ITPR2: variants seen among roughly 807,000 people sequenced by gnomAD.
The protein encoded by ITPR2 is inositol 1,4,5-trisphosphate receptor type 2.
A neutral mutation model predicts 317.1 loss-of-function variants in ITPR2; 207 were observed. The ratio of observed to expected loss-of-function variants is 0.65; its 90% CI spans 0.58 to 0.73. The LOEUF is 0.73. Among genes scored for constraint, ITPR2 ranks in the 30% least tolerant of loss-of-function variants. ITPR2 has a pLI of 0.00. For synonymous variants in ITPR2, 1,156 were observed against 1,149.1 expected (o/e 1.01, Z -0.12); for missense variants, 2,613 against 3,284.0 (o/e 0.80, Z 4.99).
intron 1 of ITPR2, among the ~76,000 whole-genome samples, chr12:26,792,072 G>A (rs189611074): frequency 6.6e-6 from 1 of 152,282 alleles, no homozygotes; most frequent in East Asian, 1.9e-4. Flanking sequence ...CAAGAGGAAT[G>A]AGAACTGAAG....
intron 45 of ITPR2, among the ~76,000 whole-genome samples, chr12:26,447,538 G>GA (rs556135947): frequency 6.3e-5 from 2 of 31,908 alleles, no homozygotes; most frequent in South Asian, 2.4e-3. Flanking sequence ...AAAAAATCAA[G>GA]AAATATGCTT....
At chr12:26,705,531 G>A (rs972559728) in intron 9 of ITPR2, among the ~76,000 whole-genome samples, 5 of 151,914 alleles carry the variant, frequency 3.3e-5, no homozygotes, top group South Asian at 2.1e-4. Context: ...TCTTACCTGC[G>A]CTCTGAAAAC....
At chr12:26,558,500 A>T (rs1372583575) in intron 35 of ITPR2, among the ~76,000 whole-genome samples, 2 of 152,222 alleles carry the variant, frequency 1.3e-5, no homozygotes, top group Non-Finnish European at 2.9e-5. Flanking sequence ...AGCTGTGATC[A>T]TCACCCAAAC....
intron 9 of ITPR2, among the ~76,000 whole-genome samples, chr12:26,709,039 G>A (rs1948603247): frequency 6.6e-6 from 1 of 152,084 alleles, no homozygotes; most frequent in African/African-American, 2.4e-5. Context: ...ATTGTGATTT[G>A]GCCACACCTC....
chr12:26,781,612 A>G (rs143278033), intron 2 of ITPR2, among the ~76,000 whole-genome samples: 58 of 152,248 alleles, frequency 3.8e-4, no homozygotes, highest in African/African-American at 1.3e-3. Context: ...TATGGGTTCA[A>G]GTTGACAAGG....
At chr12:26,362,629 G>A (rs1201807039) in intron 55 of ITPR2, among the ~76,000 whole-genome samples, 1 of 152,048 alleles carries the variant, frequency 6.6e-6, no homozygotes, top group Non-Finnish European at 1.5e-5. Flanking sequence ...GTACTGCTGG[G>A]ACTCCTTTAA....
At chr12:26,570,020 T>C (rs1047526973) in intron 34 of ITPR2, among the ~76,000 whole-genome samples, 9 of 152,246 alleles carry the variant, frequency 5.9e-5, no homozygotes, top group Admixed American at 3.9e-4. Flanking sequence ...TGGGATGTTA[T>C]GCAGCCAAAG....
intron 45 of ITPR2, 27 bp from the exon 46 acceptor site, chr12:26,443,677 T>C (rs116710453): frequency 1.6e-5 from 26 of 1,590,140 alleles, no homozygotes; most frequent in Non-Finnish European, 2.2e-5. Flanking sequence ...ATAAAGGTTT[T>C]AGGTCTTCTT....
At chr12:26,375,955 C>T (rs1462924143) in intron 55 of ITPR2, among the ~76,000 whole-genome samples, 1 of 152,114 alleles carries the variant, frequency 6.6e-6, no homozygotes, top group East Asian at 1.9e-4. Context: ...AAAAATTAGC[C>T]AGGCATGGTG....
intron 37 of ITPR2, among the ~76,000 whole-genome samples, chr12:26,523,126 G>A (rs535870737): frequency 6.6e-6 from 1 of 152,282 alleles, no homozygotes; most frequent in East Asian, 1.9e-4. Context: ...TTCCCCAGAG[G>A]CTCTTAAGCC....
intron 1 of ITPR2, among the ~76,000 whole-genome samples, chr12:26,804,396 C>A (rs2137249426): frequency 6.6e-6 from 1 of 152,248 alleles, no homozygotes; most frequent in East Asian, 1.9e-4. Flanking sequence ...GACAGATATA[C>A]CTTCTTCTGG....
At chr12:26,665,801 A>T in intron 14 of ITPR2, 109 bp downstream of exon 14, 1 of 943,866 alleles carries the variant, frequency 1.1e-6, no homozygotes, top group African/African-American at 1.7e-5. Context: ...TTCAGCCACT[A>T]AGTTTTGGGA....
At position 26,346,841 on chromosome 12, in the gene ITPR2, T is replaced by C. The variant is rs1041503836; in HGVS notation, c.7858-6513A>G. ...AGTCCCAGTTTCCTTATCTGTAAAA[T>C]CAGAATGTTACCCTAGGTGGTGTCT... On this transcript the variant is annotated intron_variant, in intron 55 of 56. Transcript: ENST00000381340. Among the ~76,000 whole-genome samples, 6 of 152,230 alleles carry C rather than the reference T, an allele frequency of 3.9e-5. No individual in the cohort carries two copies. In the South Asian group the frequency reaches 1.0e-3, roughly 26 times the overall value.
At position 26,487,165 on chromosome 12, in the gene ITPR2, T is replaced by G; in HGVS notation, c.5457A>C (p.Lys1819Asn). The change falls in exon 40 of 57, where the codon AAA becomes AAC. Residue 1819 changes from lysine (K) to asparagine (N), a missense_variant. Lys to Asn is a moderately conservative substitution (Grantham distance 94). Around this residue, in one of 9 missense-constraint regions of ITPR2, gnomAD observed 926 missense variants for 1,072.8 expected, o/e 0.86. Transcript: ENST00000381340. ...TAACTGTCACTGTTGATCTTATTTC[T>G]TTCTGAGCAGCCTTCATTCGATCAT... ...VLYDRMKAAQ[K>N]EIRSTVTVNT... 1 of 1,613,550 alleles carries G rather than the reference T, an allele frequency of 6.2e-7. No homozygotes were observed. The highest frequency in any genetic ancestry group is 8.5e-7 in the Non-Finnish European group (1 of 1,179,698).
At chr12:26,630,352 G>T (rs1946718908) in intron 22 of ITPR2, among the ~76,000 whole-genome samples, 1 of 150,694 alleles carries the variant, frequency 6.6e-6, no homozygotes, top group African/African-American at 2.4e-5. Flanking sequence ...CAAAGGCAGA[G>T]AAAAAGAATT....
At chr12:26,724,597 G>T in intron 4 of ITPR2, 59 bp downstream of exon 4, 1 of 1,080,064 alleles carries the variant, frequency 9.3e-7, no homozygotes, top group Non-Finnish European at 1.4e-6. Flanking sequence ...TGGCTTTCCT[G>T]CCAACTTACT....
chr12:26,682,434 A>G (rs1467358069), intron 12 of ITPR2, 140 bp downstream of exon 12: 1 of 617,750 alleles, frequency 1.6e-6, no homozygotes, highest in Non-Finnish European at 2.8e-6. Flanking sequence ...GCAGACATGC[A>G]TGCTTGATGA....
intron 1 of ITPR2, among the ~76,000 whole-genome samples, chr12:26,806,015 A>T (rs1432882706): frequency 6.6e-6 from 1 of 152,136 alleles, no homozygotes; most frequent in Non-Finnish European, 1.5e-5. Flanking sequence ...AGAGAGAGAC[A>T]GAAGTGGGAA....
At chr12:26,606,930 T>C (rs1260380679) in intron 26 of ITPR2, among the ~76,000 whole-genome samples, 1 of 152,076 alleles carries the variant, frequency 6.6e-6, no homozygotes, top group Non-Finnish European at 1.5e-5. Flanking sequence ...GTGAGACCCA[T>C]CTCAATAAAT....
Sources: gnomAD v4.1 joint callset for allele counts (sites outside exome capture counted in the v4.1 genomes callset) on GRCh38, gnomAD v4.1.1 for gene constraint, gnomAD v4.1.1 regional missense constraint, MANE v1.5 for transcripts, NCBI Gene and HGNC (gene_info 2026-07-23, HGNC 2026-07-21) for gene names.